The following SUPT20H variants were observed in gnomAD, a reference collection of about 807,000 sequenced individuals.
SUPT20H encodes the protein SPT20 homolog, SAGA complex component, also known as transcription factor SPT20 homolog.
In SUPT20H, 82 loss-of-function variants were observed where a neutral mutation model predicts 122.8. That is an observed-to-expected ratio of 0.67 (90% CI 0.56 to 0.80). The LOEUF (loss-of-function observed/expected upper bound fraction) is 0.80. Among genes scored for constraint, SUPT20H ranks in the 30% least tolerant of loss-of-function variants. SUPT20H has a pLI of 0.00. For missense variants in SUPT20H, 831 were observed against 921.6 expected (o/e 0.90, Z 1.27); for synonymous variants, 291 against 313.0 (o/e 0.93, Z 0.74).
rs1250080103 is a variant in SUPT20H, at chr13:37,022,746, G to A, written c.1592-666C>T. 1.1e-5 allele frequency: 11 copies of A among 994,084 alleles called. No homozygotes were observed. Among genetic ancestry groups the A allele is most frequent in the Non-Finnish European group, 1.3e-5 (11 of 831,772 alleles). 61.6% of individuals were successfully genotyped at this position (994,084 alleles called of 1,614,324 possible). On this transcript the variant is annotated intron_variant, in intron 19 of 25. Coordinates refer to ENST00000350612, the MANE Select transcript of SUPT20H (RefSeq NM_001014286.3). The surrounding 1 kb of genome is among the most constrained non-coding windows in gnomAD (Gnocchi z 4.5). ...GATAAACTGTAAACATATTTAATAA[G>A]TTACATATGGTTAACAATCATATTT...
At chr13:37,013,673 A>G (rs2139108003) in intron 23 of SUPT20H, 1 of 152,240 alleles carries the variant, frequency 6.6e-6, no homozygotes, top group African/African-American at 2.4e-5. Flanking sequence ...GCTCTGCAAA[A>G]GACATCCTTT....
intron 7 of SUPT20H, among the ~76,000 whole-genome samples, chr13:37,040,984 A>G (rs1262901674): frequency 6.6e-6 from 1 of 152,210 alleles, no homozygotes; most frequent in Non-Finnish European, 1.5e-5. Context: ...GCATTTACAT[A>G]CTATTATGTT....
rs377204847 is a variant in SUPT20H at position 37,031,517 on chromosome 13, T to C, written c.921+50A>G. The stretch of plus-strand genomic sequence containing the variant: ...TCTCAAGGTATAAGCAACCGAATAG[T>C]AAAACTGAGAAACTTTATATGAAAA... On this transcript the variant is annotated intron_variant, in intron 12 of 25. Coordinates refer to ENST00000350612, the MANE Select transcript of SUPT20H (RefSeq NM_001014286.3). The C allele has an allele frequency of 5.3e-6, 7 of 1,310,852 alleles. No individual in the cohort carries two copies. The African/African-American group carries it at 6.1e-5, about 11-fold the overall frequency. 81.2% of individuals were successfully genotyped at this position (1,310,852 alleles called of 1,614,324 possible).
chr13:37,027,358 A>T (rs1049414966), intron 14 of SUPT20H, among the ~76,000 whole-genome samples: 4 of 152,070 alleles, frequency 2.6e-5, no homozygotes, highest in African/African-American at 9.7e-5. Flanking sequence ...AAAATATCTG[A>T]TCCTTTTACA....
intron 18 of SUPT20H, 23 bp downstream of exon 18, chr13:37,024,317 C>CA: frequency 9.0e-6 from 14 of 1,547,928 alleles, no homozygotes; most frequent in Non-Finnish European, 1.2e-5. Flanking sequence ...TTCTAGACTG[C>CA]AAAAAACTAA....
intron 14 of SUPT20H, among the ~76,000 whole-genome samples, chr13:37,027,402 G>A (rs183949458): frequency 2.0e-5 from 3 of 152,060 alleles, no homozygotes; most frequent in Admixed American, 2.0e-4. Flanking sequence ...AAAACAAGCT[G>A]AGGATTCCCT....
At chr13:37,032,113 A>C (rs553949163) in intron 10 of SUPT20H, among the ~76,000 whole-genome samples, 2 of 152,268 alleles carry the variant, frequency 1.3e-5, no homozygotes, top group East Asian at 3.9e-4. Flanking sequence ...GAGGGGGAGG[A>C]GACATTCACA....
At chr13:37,023,869 T>TAC (rs2061767783) in intron 19 of SUPT20H, 166 bp downstream of exon 19, 1 of 583,436 alleles carries the variant, frequency 1.7e-6, no homozygotes, top group Non-Finnish European at 2.8e-6. Context: ...AGAGACATAA[T>TAC]ACATACAATC....
intron 9 of SUPT20H, among the ~76,000 whole-genome samples, chr13:37,037,564 GA>G (rs1566262377): frequency 1.3e-5 from 2 of 152,302 alleles, no homozygotes; most frequent in East Asian, 3.9e-4. Context: ...ACCTTTCCAG[GA>G]ACTGGGGATA....
At position 37,044,862 on chromosome 13, in the gene SUPT20H, G is replaced by A. The variant is rs184918923; in HGVS notation, c.292+385C>T. Among the ~76,000 whole-genome samples, 48 of 151,984 alleles carry A rather than the reference G, an allele frequency of 3.2e-4. No homozygotes were observed. The East Asian group carries it at 8.1e-3, about 26-fold the overall frequency. Reference sequence around the variant, plus strand: ...TGCAGGACTACCTACCTTTAAACACGGTATGCTATCTTAAAATATAAATAG... The same window carrying A: ...TGCAGGACTACCTACCTTTAAACACAGTATGCTATCTTAAAATATAAATAG... On this transcript the variant is annotated intron_variant, in intron 6 of 25. Transcript: ENST00000350612.
chr13:37,033,848 C>A (rs760838488), intron 9 of SUPT20H, among the ~76,000 whole-genome samples: 9 of 152,238 alleles, frequency 5.9e-5, no homozygotes, highest in Non-Finnish European at 8.8e-5. Context: ...TATTGAAGAT[C>A]TGTGGCAATT....
intron 21 of SUPT20H, among the ~76,000 whole-genome samples, chr13:37,020,589 G>A (rs2061335710): frequency 6.6e-6 from 1 of 152,088 alleles, no homozygotes; most frequent in Non-Finnish European, 1.5e-5. Flanking sequence ...CCATTTCCAG[G>A]ACTTCTCGCA....
At chr13:37,009,929 A>C in intron 25 of SUPT20H, 120 bp from the exon 26 acceptor site, 1 of 1,376,806 alleles carries the variant, frequency 7.3e-7, no homozygotes. Context: ...GATAACAAAA[A>C]GGGACTATAC....
intron 9 of SUPT20H, among the ~76,000 whole-genome samples, chr13:37,037,250 G>A (rs1278966189): frequency 1.3e-5 from 2 of 151,436 alleles, no homozygotes; most frequent in Non-Finnish European, 2.9e-5. Flanking sequence ...GGTATTAGTA[G>A]TTAAGTATTA....
At chr13:37,009,922 A>T in intron 25 of SUPT20H, 113 bp from the exon 26 acceptor site, 1 of 1,429,682 alleles carries the variant, frequency 7.0e-7, no homozygotes, top group Non-Finnish European at 9.3e-7. Context: ...GCACCAAGAT[A>T]ACAAAAAGGG....
intron 6 of SUPT20H, 37 bp from the exon 7 acceptor site, chr13:37,044,218 T>A (rs369027343): frequency 6.5e-7 from 1 of 1,528,474 alleles, no homozygotes; most frequent in African/African-American, 1.4e-5. Context: ...ATGATCATGC[T>A]CACTGAAAGC....
chr13:37,015,987 CAT>C (rs1239826980), intron 23 of SUPT20H, among the ~76,000 whole-genome samples: 2 of 152,114 alleles, frequency 1.3e-5, no homozygotes, highest in Non-Finnish European at 2.9e-5. Flanking sequence ...CTCATACTAA[CAT>C]AAAGTAGAAT....
Position 37,051,506 on chromosome 13 carries a change from G to T in SUPT20H, c.-16C>A, listed in dbSNP as rs1415996555. On this transcript the variant is annotated 5_prime_UTR_variant, in exon 2 of 26. Coordinates refer to ENST00000350612, the MANE Select transcript of SUPT20H (RefSeq NM_001014286.3). ...AGCTTACCATTATGGCATAAAATAAGGGTCCAAAAGAAGAGATAACTTATG... is the reference window on the plus strand; with the variant it reads ...AGCTTACCATTATGGCATAAAATAATGGTCCAAAAGAAGAGATAACTTATG... The T allele has an allele frequency of 1.9e-6, 3 of 1,611,222 alleles. No individual in the cohort carries two copies. Among genetic ancestry groups the T allele is most frequent in the Middle Eastern group, 1.7e-4 (1 of 6,058 alleles).
chr13:37,015,306 AAATT>A, intron 23 of SUPT20H, among the ~76,000 whole-genome samples: 1 of 151,902 alleles, frequency 6.6e-6, no homozygotes. Context: ...TCAACAACAA[AAATT>A]AATCTGAAAA....
Sources: gnomAD v4.1 joint callset for allele counts (sites outside exome capture counted in the v4.1 genomes callset) on GRCh38, gnomAD v4.1.1 for gene constraint, Gnocchi (gnomAD v3.1) non-coding constraint, MANE v1.5 for transcripts, NCBI Gene and HGNC (gene_info 2026-07-23, HGNC 2026-07-21) for gene names.